The following TUT4 variants were observed in gnomAD, a reference collection of about 807,000 sequenced individuals.
The protein encoded by TUT4 is terminal uridylyltransferase 4.
Under a neutral mutation model 192.2 loss-of-function variants are expected in TUT4, and 36 were observed. The observed-to-expected ratio is 0.19, with a 90% CI of 0.14 to 0.25. The LOEUF (loss-of-function observed/expected upper bound fraction) is 0.25. Among genes scored for constraint, TUT4 ranks in the 10% least tolerant of loss-of-function variants. The pLI, the probability that TUT4 is intolerant of heterozygous loss-of-function variation, is 1.00. For synonymous variants in TUT4, 618 were observed against 666.0 expected, an observed-to-expected ratio of 0.93 and a Z score of 1.11; for missense variants, 1,493 against 1,957.2, an observed-to-expected ratio of 0.76 and a Z score of 4.47.
intron 28 of TUT4, among the ~76,000 whole-genome samples, chr1:52,426,146 G>C (rs1649847188): frequency 6.6e-6 from 1 of 152,174 alleles, no homozygotes; most frequent in African/African-American, 2.4e-5. Flanking sequence ...TTACAAGCTT[G>C]AGGCATTGTG....
At chr1:52,527,071 G>A (rs1028537308) in intron 1 of TUT4, among the ~76,000 whole-genome samples, 4 of 152,142 alleles carry the variant, frequency 2.6e-5, no homozygotes, top group South Asian at 4.1e-4. Flanking sequence ...AAATGAATCC[G>A]TTTATGGAAT....
Position 52,507,161 on chromosome 1 carries a change from G to A in TUT4, c.999+2435C>T, listed in dbSNP as rs558670141. ...ATTTCCTCTGACAATTCTTTCCCTGGGTTCAGGAAGCTTTTTCATATGCAT... is the reference window on the plus strand; with the variant it reads ...ATTTCCTCTGACAATTCTTTCCCTGAGTTCAGGAAGCTTTTTCATATGCAT... On this transcript the variant is annotated intron_variant, in intron 4 of 29. Coordinates refer to ENST00000257177, the MANE Select transcript of TUT4 (RefSeq NM_001009881.3). Among the ~76,000 whole-genome samples the A allele has an allele frequency of 1.8e-4, 28 of 152,246 alleles. No homozygotes were observed. The South Asian group carries it at 5.6e-3, about 30-fold the overall frequency.
chr1:52,467,038 G>A (rs1429283970), intron 15 of TUT4, among the ~76,000 whole-genome samples: 1 of 151,988 alleles, frequency 6.6e-6, no homozygotes, highest in African/African-American at 2.4e-5. Context: ...CTAACGACTT[G>A]GGAGGCTAAG....
intron 19 of TUT4, among the ~76,000 whole-genome samples, chr1:52,458,723 C>T (rs1661644637): frequency 6.6e-6 from 1 of 152,106 alleles, no homozygotes; most frequent in Admixed American, 6.5e-5. Context: ...CGTGGGGAAA[C>T]AGGTACTCTC....
At chr1:52,460,439 A>G (rs1467343583) in intron 19 of TUT4, among the ~76,000 whole-genome samples, 1 of 151,788 alleles carries the variant, frequency 6.6e-6, no homozygotes, top group Non-Finnish European at 1.5e-5. Context: ...CTGAGATCCC[A>G]CCACTGCACT....
intron 20 of TUT4, among the ~76,000 whole-genome samples, chr1:52,449,106 C>T (rs1658539885): frequency 6.6e-6 from 1 of 152,034 alleles, no homozygotes; most frequent in African/African-American, 2.4e-5. Flanking sequence ...CACACTCTCT[C>T]TCCCTGCTGT....
intron 11 of TUT4, among the ~76,000 whole-genome samples, chr1:52,478,230 G>C (rs1667586442): frequency 6.6e-6 from 1 of 151,990 alleles, no homozygotes; most frequent in South Asian, 2.1e-4. Flanking sequence ...CTAGGCAATG[G>C]TATTTTTAAA....
At position 52,475,247 on chromosome 1, in the gene TUT4, C is replaced by G; in HGVS notation, c.2312G>C (p.Cys771Ser). 6.2e-7 allele frequency: 1 copy of G among 1,614,084 alleles called. No individual in the cohort carries two copies. Among genetic ancestry groups the G allele is most frequent in the Non-Finnish European group, 8.5e-7 (1 of 1,180,018 alleles). Residue 771 changes from cysteine (C) to serine (S), a missense_variant, in exon 13 of 30, where the codon TGT becomes TCT. Around this residue, in one of 7 missense-constraint regions of TUT4, gnomAD observed 245 missense variants for 218.4 expected, o/e 1.12. Transcript: ENST00000257177. ...GTCAATAATACATCTCTGTGATGTA[C>G]AGTCCATTTCATCACATTGAACAGG... The part of the protein sequence containing the change: ...EQPVQCDEMD[C>S]TSQRCIIDNN...
intron 19 of TUT4, 187 bp downstream of exon 19, chr1:52,460,947 T>TA: frequency 2.6e-6 from 1 of 387,444 alleles, no homozygotes; most frequent in Non-Finnish European, 4.6e-6. Context: ...ATAGAATACA[T>TA]ACAGGAAAAA....
At chr1:52,467,247 T>A (rs1664489077) in intron 15 of TUT4, among the ~76,000 whole-genome samples, 1 of 152,226 alleles carries the variant, frequency 6.6e-6, no homozygotes, top group South Asian at 2.1e-4. Flanking sequence ...CTTGTAAAAG[T>A]ACAAATTCAT....
Position 52,436,836 on chromosome 1 carries a change from A to C in TUT4, c.4081T>G (p.Phe1361Val). 1 of 1,612,236 alleles carries C rather than the reference A, an allele frequency of 6.2e-7. No individual in the cohort carries two copies. Among genetic ancestry groups the C allele is most frequent in the South Asian group, 1.1e-5 (1 of 91,048 alleles). Reference protein sequence around the residue: ...DFRDPRDLRCFICGDAGHVRR... With the variant: ...DFRDPRDLRCVICGDAGHVRR... ...ACATGTCCAGCATCTCCACATATAA[A>C]ACATCTGAGGTCTCTCGGGTCTCTA... Residue 1361 changes from phenylalanine to valine, a missense_variant, in exon 26 of 30, where the codon TTT (phenylalanine) becomes GTT (valine). Phe to Val is a conservative substitution (Grantham distance 50). Around this residue, in one of 7 missense-constraint regions of TUT4, gnomAD observed 351 missense variants for 397.8 expected, o/e 0.88. Transcript: ENST00000257177.
At chr1:52,439,012 G>C (rs1654662180) in intron 24 of TUT4, among the ~76,000 whole-genome samples, 1 of 146,786 alleles carries the variant, frequency 6.8e-6, no homozygotes, top group African/African-American at 2.5e-5. Flanking sequence ...GGAGATTGCA[G>C]TAAGCAAAGA....
chr1:52,530,597 T>C (rs1224566226), intron 1 of TUT4, among the ~76,000 whole-genome samples: 1 of 152,196 alleles, frequency 6.6e-6, no homozygotes, highest in Non-Finnish European at 1.5e-5. Flanking sequence ...AAAAATTTTA[T>C]CACAAAATTG....
At chr1:52,458,720 A>G (rs1300742542) in intron 19 of TUT4, among the ~76,000 whole-genome samples, 1 of 152,164 alleles carries the variant, frequency 6.6e-6, no homozygotes, top group Non-Finnish European at 1.5e-5. Flanking sequence ...TGACGTGGGG[A>G]AACAGGTACT....
At chr1:52,438,449 C>T (rs1654467358) in intron 24 of TUT4, 114 bp from the exon 25 acceptor site, 1 of 674,968 alleles carries the variant, frequency 1.5e-6, no homozygotes. Context: ...ATAACAGCAA[C>T]AAATATTTCA....
chr1:52,463,654 T>C (rs1663252519), intron 16 of TUT4: 2 of 1,303,902 alleles, frequency 1.5e-6, no homozygotes, highest in African/African-American at 3.0e-5. Flanking sequence ...GGTAAAGGAC[T>C]GAACATCTAC....
chr1:52,502,020 A>G (rs1269836883), intron 4 of TUT4, among the ~76,000 whole-genome samples: 1 of 152,120 alleles, frequency 6.6e-6, no homozygotes, highest in Non-Finnish European at 1.5e-5. Flanking sequence ...TTCTGAATGA[A>G]GGTGGACAGT....
intron 1 of TUT4, among the ~76,000 whole-genome samples, chr1:52,547,286 A>G (rs1370265318): frequency 6.6e-6 from 1 of 151,748 alleles, no homozygotes; most frequent in Non-Finnish European, 1.5e-5. Context: ...CAACAGGCAC[A>G]TGAAGAGATG....
chr1:52,437,086 G>T (rs1654019568), intron 25 of TUT4, 108 bp from the exon 26 acceptor site: 1 of 1,437,380 alleles, frequency 7.0e-7, no homozygotes, highest in South Asian at 1.5e-5. Context: ...ATCATTTCAT[G>T]CGTCTTTTTG....
Sources: allele counts gnomAD v4.1 joint callset (sites outside exome capture counted in the v4.1 genomes callset), GRCh38; gene constraint gnomAD v4.1.1; regional missense constraint gnomAD v4.1.1; transcripts MANE v1.5; gene names NCBI Gene and HGNC (gene_info 2026-07-23, HGNC 2026-07-21).